Variants in MORN3 observed in about 807,000 individuals in gnomAD.
The protein encoded by MORN3 is MORN repeat containing 3, also known as MORN repeat-containing protein 3.
Under a neutral mutation model 34.7 loss-of-function variants are expected in MORN3, and 38 were observed. The ratio of observed to expected loss-of-function variants is 1.10; its 90% CI spans 0.85 to 1.44. The LOEUF (loss-of-function observed/expected upper bound fraction) is 1.44. Among genes scored for constraint, MORN3 ranks in the 40% most tolerant of loss-of-function variants. MORN3 has a pLI of 0.00. For synonymous variants in MORN3, 109 were observed against 115.3 expected (o/e 0.95, Z 0.35); for missense variants, 311 against 321.7 (o/e 0.97, Z 0.25).
intron 1 of MORN3, among the ~76,000 whole-genome samples, chr12:121,665,402 T>A (rs1893721381): frequency 7.1e-6 from 1 of 140,602 alleles, no homozygotes; most frequent in African/African-American, 2.6e-5. Context: ...GCCATTCTCC[T>A]GCCTCAGCCT....
rs1485330739 is a variant in MORN3 at position 121,654,256 on chromosome 12, C to A, written c.463+18G>T. 5.2e-6 allele frequency: 6 copies of A among 1,155,326 alleles called. No individual in the cohort carries two copies. Among genetic ancestry groups the A allele is most frequent in the East Asian group, 5.5e-5 (1 of 18,188 alleles). The allele number at this position is 1,155,326 out of a possible 1,614,324, so 71.6% of individuals were successfully genotyped here. A position where few individuals can be genotyped will look rare whatever the true frequency, so the allele number is the denominator to read the frequency against. On this transcript the variant is annotated intron_variant, in intron 3 of 5. Transcript: ENST00000355329. ...GGCGTGGTCGGGTGGGCGGGGCCGGCGGGGGTGGGGCACTCACTCAGGCGC... is the reference window on the plus strand; with the variant it reads ...GGCGTGGTCGGGTGGGCGGGGCCGGAGGGGGTGGGGCACTCACTCAGGCGC...
chr12:121,654,095 C>T lies in MORN3; in HGVS notation c.463+179G>A, dbSNP rs144741086. Among the ~76,000 whole-genome samples, 164 of 152,162 alleles carry T rather than the reference C, an allele frequency of 1.1e-3. 1 individual carries two copies. The East Asian group carries it at 0.029, about 27-fold the overall frequency. On this transcript the variant is annotated intron_variant, in intron 3 of 5. Coordinates refer to ENST00000355329, the MANE Select transcript of MORN3 (RefSeq NM_173855.5). The stretch of plus-strand genomic sequence containing the variant: ...ATAAATAGCATCATATATATGTGAC[C>T]TTTTGTGACTGAGGGGAGAGATAGG...
At chr12:121,654,855 C>T (rs1893368971) in intron 2 of MORN3, among the ~76,000 whole-genome samples, 1 of 151,952 alleles carries the variant, frequency 6.6e-6, no homozygotes, top group Admixed American at 6.6e-5. Flanking sequence ...GCCTCAGCCT[C>T]CCAAAGTGCT....
intron 2 of MORN3, among the ~76,000 whole-genome samples, chr12:121,657,894 T>TAAC (rs1317247728): frequency 2.6e-5 from 4 of 151,918 alleles, no homozygotes; most frequent in Non-Finnish European, 4.4e-5. Context: ...ATAATAATAA[T>TAAC]AATAAAACTC....
At chr12:121,655,331 C>T (rs1594223756) in intron 2 of MORN3, among the ~76,000 whole-genome samples, 1 of 149,048 alleles carries the variant, frequency 6.7e-6, no homozygotes, top group Admixed American at 6.7e-5. Context: ...CAGGGTGAGA[C>T]GCTATCTCAA....
intron 2 of MORN3, among the ~76,000 whole-genome samples, chr12:121,654,844 C>T (rs931003817): frequency 4.0e-5 from 6 of 151,866 alleles, no homozygotes; most frequent in East Asian, 2.0e-4. Flanking sequence ...GTGATCCGCC[C>T]GCCTCAGCCT....
chr12:121,652,699 A>G lies in MORN3; in HGVS notation c.*6+29T>C, dbSNP rs987059889. 3 of 1,606,322 alleles carry G rather than the reference A, an allele frequency of 1.9e-6. No homozygotes were observed. The South Asian group carries it at 3.3e-5, about 18-fold the overall frequency. On this transcript the variant is annotated intron_variant, in intron 5 of 5. Coordinates refer to ENST00000355329, the MANE Select transcript of MORN3 (RefSeq NM_173855.5). Reference sequence around the variant, plus strand: ...GCCCTGGAGCAGCCTCAGCCACATCAGAACTTGGCAGGTGTGCCCACCCCT... The same window carrying G: ...GCCCTGGAGCAGCCTCAGCCACATCGGAACTTGGCAGGTGTGCCCACCCCT...
chr12:121,652,182 C>T (rs1555325153), intron 5 of MORN3, among the ~76,000 whole-genome samples: 2 of 152,042 alleles, frequency 1.3e-5, no homozygotes, highest in South Asian at 2.1e-4. Flanking sequence ...GATCCACCCA[C>T]CTCGGCCTCC....
At chr12:121,657,081 C>G (rs1347962651) in intron 2 of MORN3, among the ~76,000 whole-genome samples, 3 of 152,170 alleles carry the variant, frequency 2.0e-5, no homozygotes, top group African/African-American at 7.2e-5. Context: ...CTGACTCCAT[C>G]TTGCTTCTAA....
upstream of MORN3, among the ~76,000 whole-genome samples, chr12:121,671,497 G>A (rs1166268839): frequency 6.6e-6 from 1 of 151,948 alleles, no homozygotes; most frequent in Non-Finnish European, 1.5e-5. Flanking sequence ...AATAATAAAT[G>A]TAAAAATGAA....
chr12:121,655,947 C>G (rs1009339360), intron 2 of MORN3, among the ~76,000 whole-genome samples: 1 of 151,744 alleles, frequency 6.6e-6, no homozygotes, highest in Admixed American at 6.6e-5. Flanking sequence ...AGGAGAAGGC[C>G]GTGAACCAGG....
upstream of MORN3, chr12:121,672,610 C>A (rs919421094): frequency 6.6e-6 from 1 of 152,538 alleles, no homozygotes; most frequent in East Asian, 1.9e-4. Context: ...CCTCAATGTC[C>A]GTCAGCTGCG....
chr12:121,649,651 T>C lies in MORN3; in HGVS notation c.*2000A>G, dbSNP rs1177126343. The C allele has an allele frequency of 1.3e-5, 2 of 151,916 alleles. No individual in the cohort carries two copies. The highest frequency in any genetic ancestry group is 4.8e-5 in the African/African-American group (2 of 41,338). 9.4% of individuals were successfully genotyped at this position (151,916 alleles called of 1,614,324 possible). A position where few individuals can be genotyped will look rare whatever the true frequency, so the allele number is the denominator to read the frequency against. ...TTTATTGAGGCTTTACTATGTGCTATGTGCCTCTTGCTGAGGTCTTAGCTA... is the reference window on the plus strand; with the variant it reads ...TTTATTGAGGCTTTACTATGTGCTACGTGCCTCTTGCTGAGGTCTTAGCTA... On this transcript the variant is annotated 3_prime_UTR_variant, in exon 6 of 6. Transcript: ENST00000355329.
At chr12:121,662,477 C>T (rs1018855187) in intron 1 of MORN3, among the ~76,000 whole-genome samples, 1 of 151,704 alleles carries the variant, frequency 6.6e-6, no homozygotes. Flanking sequence ...ACAAACAGGT[C>T]GGGTGCGGTG....
intron 1 of MORN3, among the ~76,000 whole-genome samples, chr12:121,667,670 A>G (rs1282711400): frequency 6.6e-6 from 1 of 150,582 alleles, no homozygotes; most frequent in Non-Finnish European, 1.5e-5. Context: ...GCCACCTTCT[A>G]TGCTAGTTCC....
intron 2 of MORN3, among the ~76,000 whole-genome samples, chr12:121,655,446 A>G (rs1214832487): frequency 6.6e-6 from 1 of 151,970 alleles, no homozygotes; most frequent in Non-Finnish European, 1.5e-5. Context: ...GTGGTGGCTT[A>G]CGCCTATAAT....
intron 1 of MORN3, among the ~76,000 whole-genome samples, chr12:121,665,254 G>GA (rs1460083127): frequency 6.1e-5 from 8 of 130,884 alleles, no homozygotes; most frequent in African/African-American, 2.2e-4. Context: ...CTGGTTTTAA[G>GA]ATCTCGCGTT....
chr12:121,670,535 G>A (rs578232771), upstream of MORN3, among the ~76,000 whole-genome samples: 10 of 152,158 alleles, frequency 6.6e-5, no homozygotes, highest in Middle Eastern at 3.4e-3. Context: ...AGGGCCAGGC[G>A]CAGTGGCTCA....
At position 121,654,354 on chromosome 12, in the gene MORN3, C is replaced by T. The variant is rs1417236533; in HGVS notation, c.383G>A (p.Arg128His). The change falls in exon 3 of 6, where the codon CGC becomes CAC. Residue 128 changes from arginine (R) to histidine (H), a missense_variant. Transcript: ENST00000355329. ...WCGSQRSGWGRMYYSNGDIYE... is the reference protein window; with the variant it reads ...WCGSQRSGWGHMYYSNGDIYE... ...GATGTCGCCGTTGCTGTAATACATG[C>T]GGCCCCACCCGCTGCGCTGGCTGCC... 1 of 1,601,328 alleles carries T rather than the reference C, an allele frequency of 6.2e-7. No individual in the cohort carries two copies. The highest frequency in any genetic ancestry group is 2.2e-5 in the East Asian group (1 of 44,492).
Sources: allele counts gnomAD v4.1 joint callset (sites outside exome capture counted in the v4.1 genomes callset), GRCh38; gene constraint gnomAD v4.1.1; transcripts MANE v1.5; gene names NCBI Gene and HGNC (gene_info 2026-07-23, HGNC 2026-07-21).